MMP9: variants seen among roughly 807,000 people sequenced by gnomAD.
MMP9 encodes matrix metallopeptidase 9, also known as matrix metalloproteinase-9.
Under a neutral mutation model 76.4 loss-of-function variants are expected in MMP9, and 73 were observed. That is an observed-to-expected ratio of 0.96 (90% confidence interval 0.79 to 1.16). MMP9 has a LOEUF of 1.16. Ranked by LOEUF, MMP9 falls within the 50% of genes most tolerant of loss-of-function variation. The probability of loss-of-function intolerance (pLI) is 0.00; values close to 1 mark genes in which losing one functional copy is unlikely to be tolerated. For missense variants in MMP9, 943 were observed against 973.0 expected, an observed-to-expected ratio of 0.97 and a Z score of 0.41; for synonymous variants, 412 against 408.4, an observed-to-expected ratio of 1.01 and a Z score of -0.11.
chr20:46,014,057 T>A, intron 10 of MMP9, 67 bp from the exon 11 acceptor site: 1 of 1,530,122 alleles, frequency 6.5e-7, no homozygotes. Flanking sequence ...GGAATCTCCC[T>A]CCTCGCGTTC....
At chr20:46,011,903 T>A (rs1230298633) in intron 6 of MMP9, among the ~76,000 whole-genome samples, 156 bp downstream of exon 6, 5 of 152,100 alleles carry the variant, frequency 3.3e-5, no homozygotes, top group African/African-American at 1.2e-4. Context: ...TCCACCACTA[T>A]CCCTGACTTC....
At position 46,011,145 on chromosome 20, in the gene MMP9, G is replaced by GAAAC; in HGVS notation, c.652_653insAAAC (p.Val218GlufsTer68). 1 of 1,614,060 alleles carries GAAAC rather than the reference G, an allele frequency of 6.2e-7. No individual in the cohort carries two copies. The highest frequency in any genetic ancestry group is 2.2e-5 in the East Asian group (1 of 44,880). On this transcript the variant is annotated frameshift_variant, in exon 5 of 13. Coordinates refer to ENST00000372330, the MANE Select transcript of MMP9 (RefSeq NM_004994.3). LOFTEE classifies it high-confidence loss of function. ...TCCGGTCCCCCCTCCTCCTGCAGTGGTTCCAACTCGGTTTGGAAACGCAGA... is the reference window on the plus strand; with the variant it reads ...TCCGGTCCCCCCTCCTCCTGCAGTGGAAACTTCCAACTCGGTTTGGAAACGCAGA...
rs368487580 is a variant in MMP9 at position 46,016,376 on chromosome 20, G to A, written c.*8G>A. On this transcript the variant is annotated 3_prime_UTR_variant, in exon 13 of 13. Transcript: ENST00000372330. ...CAGTGCCCTGAGGACTAGGGCTCCC[G>A]TCCTGCTTTGGCAGTGCCATGTAAA... The A allele has an allele frequency of 4.3e-5, 69 of 1,609,592 alleles. 1 individual carries two copies. The highest frequency in any genetic ancestry group is 3.8e-4 in the South Asian group (35 of 90,976).
At chr20:46,015,453 C>CTTTTTTTTTTTTTTTTTTTTTTTTTT (rs199508388) in intron 12 of MMP9, among the ~76,000 whole-genome samples, 1 of 125,594 alleles carries the variant, frequency 8.0e-6, no homozygotes, top group Non-Finnish European at 1.6e-5. Flanking sequence ...TTTCTTTTTT[C>CTTTTTTTTTTTTTTTTTTTTTTTTTT]TTTTTTTTTT....
At chr20:46,009,181 G>GT (rs2084260670) in intron 1 of MMP9, 117 bp downstream of exon 1, 17 of 1,163,070 alleles carry the variant, frequency 1.5e-5, no homozygotes, top group Non-Finnish European at 2.1e-5. Flanking sequence ...GGTGATGGGC[G>GT]TATCTGAAGA....
Position 46,016,322 on chromosome 20 carries a change from A to G in MMP9, c.2078A>G (p.Gln693Arg), listed in dbSNP as rs778121963. 6.2e-7 allele frequency: 1 copy of G among 1,614,240 alleles called. No individual in the cohort carries two copies. Among genetic ancestry groups the G allele is most frequent in the Non-Finnish European group, 8.5e-7 (1 of 1,180,050 alleles). Residue 693 changes from glutamine (Q) to arginine (R), a missense_variant, in exon 13 of 13, where the codon CAA (glutamine) becomes CGA (arginine). Physicochemically the swap from Gln to Arg is conservative, Grantham distance 43 (BLOSUM62 1). Coordinates refer to ENST00000372330, the MANE Select transcript of MMP9 (RefSeq NM_004994.3). ...CGGAGTGAGTTGAACCAGGTGGACC[A>G]AGTGGGCTACGTGACCTATGACATC... Reference protein sequence around the residue: ...SSRSELNQVDQVGYVTYDILQ... With the variant: ...SSRSELNQVDRVGYVTYDILQ...
Position 46,016,464 on chromosome 20 carries a change from C to A in MMP9, c.*96C>A. 2.0e-6 allele frequency: 2 copies of A among 1,023,838 alleles called. No individual in the cohort carries two copies. Among genetic ancestry groups the A allele is most frequent in the Non-Finnish European group, 3.1e-6 (2 of 646,438 alleles). The allele number at this position is 1,023,838 out of a possible 1,614,324, so 63.4% of individuals were successfully genotyped here. On this transcript the variant is annotated 3_prime_UTR_variant, in exon 13 of 13. Coordinates refer to ENST00000372330, the MANE Select transcript of MMP9 (RefSeq NM_004994.3). ...GCCGGATACAAACTGGTATTCTGTT[C>A]TGGAGGAAAGGGAGGAGTGGAGGTG...
At position 46,010,079 on chromosome 20, in the gene MMP9, C is replaced by A. The variant is rs2084265702; in HGVS notation, c.352C>A (p.His118Asn). ...QTFEGDLKWH[H>N]HNITYWIQNY... is the part of the protein sequence containing the mutation. The stretch of plus-strand genomic sequence containing the variant: ...CTTTGAGGGCGACCTCAAGTGGCAC[C>A]ACCACAACATCACCTATTGGTGAGC... Residue 118 changes from histidine to asparagine, a missense_variant, in exon 2 of 13, where the codon CAC becomes AAC. Physicochemically the swap from His to Asn is moderately conservative, Grantham distance 68. Transcript: ENST00000372330. 1.3e-6 allele frequency: 2 copies of A among 1,549,798 alleles called. No homozygotes were observed. Among genetic ancestry groups the A allele is most frequent in the Non-Finnish European group, 8.7e-7 (1 of 1,146,490 alleles).
At chr20:46,015,716 G>A (rs1044982158) in intron 12 of MMP9, among the ~76,000 whole-genome samples, 38 of 152,166 alleles carry the variant, frequency 2.5e-4, no homozygotes, top group Non-Finnish European at 5.3e-4. Flanking sequence ...CTCCCAAAGT[G>A]CTGGGATTAC....
chr20:46,013,980 C>T lies in MMP9; in HGVS notation c.1751-144C>T, dbSNP rs1320873723. On this transcript the variant is annotated intron_variant, in intron 10 of 12. Coordinates refer to ENST00000372330, the MANE Select transcript of MMP9 (RefSeq NM_004994.3). This position sits in a 1 kb window ranked among gnomAD's most constrained non-coding sequence, Gnocchi z 4.5. ...CCCTCCTCTCCACGCCCTCGCGTCG[C>T]TCTACCCAGCGCCTCTGCCCCTGGG... The T allele has an allele frequency of 8.4e-6, 12 of 1,420,486 alleles. No individual in the cohort carries two copies. The highest frequency in any genetic ancestry group is 9.5e-6 in the Non-Finnish European group (10 of 1,053,980). The allele number at this position is 1,420,486 out of a possible 1,614,324, so 88.0% of individuals were successfully genotyped here.
In MMP9 at chr20:46,012,187, C is replaced by T. The variant is rs774129053; in HGVS notation, c.1048C>T (p.Pro350Ser). The change falls in exon 7 of 13, where the codon CCC becomes TCC. Residue 350 changes from proline (P) to serine (S), a missense_variant. Pro to Ser is a moderately conservative substitution (Grantham distance 74). Coordinates refer to ENST00000372330, the MANE Select transcript of MMP9 (RefSeq NM_004994.3). ...CTCGGCGGGGGAGCTGTGCGTCTTC[C>T]CCTTCACTTTCCTGGGTAAGGAGTA... ...GNSAGELCVF[P>S]FTFLGKEYST... is the part of the protein sequence containing the mutation. The T allele has an allele frequency of 2.5e-6, 4 of 1,614,024 alleles. No individual in the cohort carries two copies. The highest frequency in any genetic ancestry group is 3.4e-6 in the Non-Finnish European group (4 of 1,180,048).
rs770222441 is a variant in MMP9, at chr20:46,011,008, C to T, written c.607C>T (p.His203Tyr). ...TGGCCCCGGCATTCAGGGAGACGCC[C>T]ATTTCGACGATGACGAGTTGTGGTC... ...PPGPGIQGDAHFDDDELWSLG... is the reference protein window; with the variant it reads ...PPGPGIQGDAYFDDDELWSLG... The change falls in exon 4 of 13, where the codon CAT becomes TAT. Residue 203 changes from histidine (H) to tyrosine (Y), a missense_variant. Coordinates refer to ENST00000372330, the MANE Select transcript of MMP9 (RefSeq NM_004994.3). 8.1e-6 allele frequency: 13 copies of T among 1,613,884 alleles called. No homozygotes were observed. In the Admixed American group the frequency reaches 2.2e-4, roughly 27 times the overall value.
At position 46,009,041 on chromosome 20, in the gene MMP9, C is replaced by A. The variant is rs1357464329; in HGVS notation, c.115C>A (p.Leu39Ile). The part of the protein sequence containing the change: ...VLFPGDLRTN[L>I]TDRQLAEEYL... ...CTTCCCTGGAGACCTGAGAACCAAT[C>A]TCACCGACAGGCAGCTGGCAGAGGT... is the stretch of plus-strand genomic sequence containing the variant. Residue 39 changes from leucine to isoleucine, a missense_variant, in exon 1 of 13, where the codon CTC becomes ATC. Coordinates refer to ENST00000372330, the MANE Select transcript of MMP9 (RefSeq NM_004994.3). 1.9e-6 allele frequency: 3 copies of A among 1,613,780 alleles called. No individual in the cohort carries two copies. The highest frequency in any genetic ancestry group is 1.7e-5 in the Admixed American group (1 of 59,964).
In MMP9 at chr20:46,008,952, T is replaced by G. The variant is rs749593366; in HGVS notation, c.26T>G (p.Leu9Arg). 1.2e-6 allele frequency: 2 copies of G among 1,613,990 alleles called. No homozygotes were observed. The change falls in exon 1 of 13, where the codon CTG (leucine) becomes CGG (arginine). Residue 9 changes from leucine (L) to arginine (R), a missense_variant. Leu to Arg is a moderately radical substitution (Grantham distance 102). Coordinates refer to ENST00000372330, the MANE Select transcript of MMP9 (RefSeq NM_004994.3). MSLWQPLV[L>R]VLLVLGCCFA... The stretch of plus-strand genomic sequence containing the variant: ...ATGAGCCTCTGGCAGCCCCTGGTCC[T>G]GGTGCTCCTGGTGCTGGGCTGCTGC...
chr20:46,009,517 C>T (rs2084262107), intron 1 of MMP9, among the ~76,000 whole-genome samples: 2 of 152,038 alleles, frequency 1.3e-5, no homozygotes, highest in Admixed American at 6.6e-5. Context: ...CTGGGCATGA[C>T]GGCTCACACT....
At chr20:46,015,649 C>T (rs912065074) in intron 12 of MMP9, among the ~76,000 whole-genome samples, 1 of 152,024 alleles carries the variant, frequency 6.6e-6, no homozygotes, top group African/African-American at 2.4e-5. Context: ...GACGGGGTTT[C>T]ACCATCTTGG....
rs1243400784 is a variant in MMP9, at chr20:46,012,480, G to C, written c.1228G>C (p.Asp410His). 24 of 1,614,200 alleles carry C rather than the reference G, an allele frequency of 1.5e-5. No homozygotes were observed. Among genetic ancestry groups the C allele is most frequent in the Non-Finnish European group, 1.9e-5 (23 of 1,180,020 alleles). The change falls in exon 8 of 13, where the codon GAT (aspartate) becomes CAT (histidine). Residue 410 changes from aspartate (D) to histidine (H), a missense_variant. Coordinates refer to ENST00000372330, the MANE Select transcript of MMP9 (RefSeq NM_004994.3). ...AHEFGHALGL[D>H]HSSVPEALMY... is the part of the protein sequence containing the mutation. Reference sequence around the variant, plus strand: ...TGAGTTCGGCCACGCGCTGGGCTTAGATCATTCCTCAGTGCCGGAGGCGCT... The same window carrying C: ...TGAGTTCGGCCACGCGCTGGGCTTACATCATTCCTCAGTGCCGGAGGCGCT...
At position 46,012,528 on chromosome 20, in the gene MMP9, A is replaced by G; in HGVS notation, c.1276A>G (p.Thr426Ala). 6.2e-7 allele frequency: 1 copy of G among 1,613,910 alleles called. No homozygotes were observed. Among genetic ancestry groups the G allele is most frequent in the Non-Finnish European group, 8.5e-7 (1 of 1,179,856 alleles). The change falls in exon 8 of 13, where the codon ACT becomes GCT. Residue 426 changes from threonine to alanine, a missense_variant. By Grantham distance (58) the Thr-to-Ala change is moderately conservative. Transcript: ENST00000372330. ...EALMYPMYRF[T>A]EGPPLHKDDV... Reference sequence around the variant, plus strand: ...GCTCATGTACCCTATGTACCGCTTCACTGAGGGGCCCCCCTTGCATAAGGA... The same window carrying G: ...GCTCATGTACCCTATGTACCGCTTCGCTGAGGGGCCCCCCTTGCATAAGGA...
At chr20:46,012,070 C>A in intron 6 of MMP9, 67 bp from the exon 7 acceptor site, 2 of 1,584,750 alleles carry the variant, frequency 1.3e-6, no homozygotes, top group Non-Finnish European at 1.7e-6. Flanking sequence ...AGCTCCCTGT[C>A]GGGTCGGCCC....
Sources: gnomAD v4.1 joint callset for allele counts (sites outside exome capture counted in the v4.1 genomes callset) on GRCh38, gnomAD v4.1.1 for gene constraint, Gnocchi (gnomAD v3.1) non-coding constraint, MANE v1.5 for transcripts, NCBI Gene and HGNC (gene_info 2026-07-23, HGNC 2026-07-21) for gene names.